MAP2K6: variants seen among roughly 807,000 people sequenced by gnomAD.
MAP2K6 encodes mitogen-activated protein kinase kinase 6, also known as dual specificity mitogen-activated protein kinase kinase 6.
In MAP2K6, 16 loss-of-function variants were observed where a neutral mutation model predicts 53.7. The ratio of observed to expected loss-of-function variants is 0.30; its 90% CI spans 0.20 to 0.45. The LOEUF (loss-of-function observed/expected upper bound fraction) is 0.45. MAP2K6 is among the 20% of genes least tolerant of loss of function. MAP2K6 has a pLI of 1.00. For missense variants in MAP2K6, 204 were observed against 411.9 expected (o/e 0.50, Z 4.37); for synonymous variants, 132 against 143.1 (o/e 0.92, Z 0.55).
At position 69,448,916 on chromosome 17, in the gene MAP2K6, G is replaced by GT. The variant is rs1434655536; in HGVS notation, c.16+33917dup. Among the ~76,000 whole-genome samples, 6 of 152,362 alleles carry GT rather than the reference G, an allele frequency of 3.9e-5. No homozygotes were observed. The East Asian group carries it at 1.2e-3, about 29-fold the overall frequency. ...CTTGACAACGGAGGTGTTAGTAGGT[G>GT]TAGGGCTGGCTGGGTGTAGCTGTTG... On this transcript the variant is annotated intron_variant, in intron 1 of 11. Transcript: ENST00000590474.
rs1159821684 is a variant in MAP2K6 at position 69,548,715 on chromosome 17, TA to T, written c.*6963del. On this transcript the variant is annotated 3_prime_UTR_variant, in exon 12 of 12. Coordinates refer to ENST00000590474, the MANE Select transcript of MAP2K6 (RefSeq NM_002758.4). ...CATTGCCACCAAATACATCACTCAC[TA>T]CCTGTTCCTGGTGACTACATAGAAG... is the stretch of plus-strand genomic sequence containing the variant. The T allele has an allele frequency of 6.6e-6, 1 of 152,194 alleles. No homozygotes were observed. The highest frequency in any genetic ancestry group is 1.5e-5 in the Non-Finnish European group (1 of 68,020). The allele number at this position is 152,194 out of a possible 1,614,324, so 9.4% of individuals were successfully genotyped here. A position where few individuals can be genotyped will look rare whatever the true frequency, so the allele number is the denominator to read the frequency against.
chr17:69,516,271 A>T (rs967850155), intron 2 of MAP2K6, among the ~76,000 whole-genome samples: 1 of 151,984 alleles, frequency 6.6e-6, no homozygotes. Flanking sequence ...CAGGCATTAG[A>T]TTCTCATAAG....
intron 1 of MAP2K6, among the ~76,000 whole-genome samples, chr17:69,477,796 G>A (rs1908204080): frequency 6.6e-6 from 1 of 152,170 alleles, no homozygotes; most frequent in South Asian, 2.1e-4. Flanking sequence ...TGTGACATCT[G>A]TTAAGTTCCT....
At chr17:69,520,887 A>G (rs1910430794) in intron 6 of MAP2K6, 162 bp from the exon 7 acceptor site, 1 of 547,638 alleles carries the variant, frequency 1.8e-6, no homozygotes, top group Non-Finnish European at 3.2e-6. Context: ...ATGGAGTCCA[A>G]TTTGTGTAAC....
intron 1 of MAP2K6, among the ~76,000 whole-genome samples, chr17:69,422,447 A>C (rs995128283): frequency 2.6e-5 from 4 of 152,160 alleles, no homozygotes; most frequent in Non-Finnish European, 5.9e-5. Flanking sequence ...ATCGTAATTT[A>C]GTCAACTCCA....
In MAP2K6 at chr17:69,535,571, G is replaced by A. The variant is rs532689308; in HGVS notation, c.882-544G>A. ...TGTATGCCCCTGCACTCCAGCCTGGGCAACAGAGCCAGCCCCTGTCTCAAG... is the reference window on the plus strand; with the variant it reads ...TGTATGCCCCTGCACTCCAGCCTGGACAACAGAGCCAGCCCCTGTCTCAAG... On this transcript the variant is annotated intron_variant, in intron 10 of 11. Coordinates refer to ENST00000590474, the MANE Select transcript of MAP2K6 (RefSeq NM_002758.4). Among the ~76,000 whole-genome samples, 7 of 152,318 alleles carry A rather than the reference G, an allele frequency of 4.6e-5. No individual in the cohort carries two copies. In the East Asian group the frequency reaches 1.3e-3, roughly 29 times the overall value.
intron 2 of MAP2K6, among the ~76,000 whole-genome samples, chr17:69,511,446 A>G (rs1173915797): frequency 1.3e-5 from 2 of 152,158 alleles, no homozygotes. Flanking sequence ...ACAAAGCTCC[A>G]TTCTCCCGAG....
chr17:69,428,179 A>G (rs1906334290), intron 1 of MAP2K6, among the ~76,000 whole-genome samples: 1 of 152,240 alleles, frequency 6.6e-6, no homozygotes. Context: ...CTACTGTAAC[A>G]AAGTACCACA....
At chr17:69,475,218 G>T (rs1908108451) in intron 1 of MAP2K6, among the ~76,000 whole-genome samples, 1 of 146,440 alleles carries the variant, frequency 6.8e-6, no homozygotes. Flanking sequence ...TCCCAGGTTG[G>T]AGTGCGGTGG....
rs60606334 is a variant in MAP2K6 at position 69,460,532 on chromosome 17, C to T, written c.17-45248C>T. On this transcript the variant is annotated intron_variant, in intron 1 of 11. Transcript: ENST00000590474. ...GAGGACAGTGGATAGGAGAAGTTTA[C>T]TCCTCAAAAATGAGAGATCAGTAAG... is the stretch of plus-strand genomic sequence containing the variant. Among the ~76,000 whole-genome samples the T allele has an allele frequency of 2.6e-5, 4 of 152,236 alleles. No homozygotes were observed. The East Asian group carries it at 7.7e-4, about 29-fold the overall frequency.
At chr17:69,535,347 C>A (rs1203026308) in intron 10 of MAP2K6, among the ~76,000 whole-genome samples, 1 of 152,158 alleles carries the variant, frequency 6.6e-6, no homozygotes, top group Non-Finnish European at 1.5e-5. Context: ...ACTCCCAGCT[C>A]TTTGGAAGGC....
chr17:69,514,840 G>A (rs1298790593), intron 2 of MAP2K6, among the ~76,000 whole-genome samples: 2 of 152,132 alleles, frequency 1.3e-5, no homozygotes, highest in East Asian at 3.9e-4. Context: ...GGGATTACAG[G>A]CGTGAGCCAC....
intron 1 of MAP2K6, among the ~76,000 whole-genome samples, chr17:69,489,651 A>G (rs1475925243): frequency 6.6e-6 from 1 of 152,246 alleles, no homozygotes. Flanking sequence ...GAACTAGTTA[A>G]TATTGAAATG....
chr17:69,520,949 C>T (rs1910434163), intron 6 of MAP2K6, 100 bp from the exon 7 acceptor site: 1 of 889,250 alleles, frequency 1.1e-6, no homozygotes, highest in Non-Finnish European at 1.7e-6. Context: ...AAATATCTCA[C>T]TGGTAACCTA....
chr17:69,526,233 C>G (rs1910762538), intron 9 of MAP2K6, among the ~76,000 whole-genome samples: 1 of 152,182 alleles, frequency 6.6e-6, no homozygotes, highest in African/African-American at 2.4e-5. Context: ...CTTGTCAGAC[C>G]AAACGTTTGA....
chr17:69,505,490 G>T, intron 1 of MAP2K6: 1 of 257,644 alleles, frequency 3.9e-6, no homozygotes. Context: ...TCTCAGTGGG[G>T]AGAAAGGGCA....
chr17:69,455,487 A>T (rs1907373583), intron 1 of MAP2K6, among the ~76,000 whole-genome samples: 1 of 152,134 alleles, frequency 6.6e-6, no homozygotes, highest in East Asian at 1.9e-4. Flanking sequence ...CATTATTTTT[A>T]ATCAGGAAGG....
chr17:69,480,618 C>A (rs1908317622), intron 1 of MAP2K6, among the ~76,000 whole-genome samples: 1 of 152,124 alleles, frequency 6.6e-6, no homozygotes, highest in African/African-American at 2.4e-5. Flanking sequence ...AAACAAGAAG[C>A]TATAGTGCCA....
chr17:69,523,012 G>A (rs1910561046), intron 7 of MAP2K6, among the ~76,000 whole-genome samples: 1 of 152,134 alleles, frequency 6.6e-6, no homozygotes, highest in South Asian at 2.1e-4. Context: ...AGTGAGCTAT[G>A]ATCACACCAC....
Sources: allele counts gnomAD v4.1 joint callset (sites outside exome capture counted in the v4.1 genomes callset), GRCh38; gene constraint gnomAD v4.1.1; transcripts MANE v1.5; gene names NCBI Gene and HGNC (gene_info 2026-07-23, HGNC 2026-07-21).